Variants in GRID2 observed in about 807,000 individuals in gnomAD.
GRID2 encodes glutamate ionotropic receptor delta type subunit 2.
Under a neutral mutation model 114.8 loss-of-function variants are expected in GRID2, and 33 were observed. The observed-to-expected ratio is 0.29, with a 90% CI of 0.22 to 0.38. GRID2 has a LOEUF of 0.38. Among genes scored for constraint, GRID2 ranks in the 10% least tolerant of loss-of-function variants. The probability of loss-of-function intolerance (pLI) is 1.00; values close to 1 mark genes in which losing one functional copy is unlikely to be tolerated. For missense variants in GRID2, 1,184 were observed against 1,257.7 expected, an observed-to-expected ratio of 0.94 and a Z score of 0.89; for synonymous variants, 505 against 449.9, an observed-to-expected ratio of 1.12 and a Z score of -1.55.
intron 1 of GRID2, among the ~76,000 whole-genome samples, chr4:92,557,630 CAT>C (rs10638716): frequency 1.4e-5 from 2 of 145,640 alleles, no homozygotes; most frequent in African/African-American, 2.5e-5. Context: ...TACTTCACTG[CAT>C]ATATATATAT....
chr4:93,133,037 G>A (rs913711901), intron 4 of GRID2, among the ~76,000 whole-genome samples: 1 of 152,114 alleles, frequency 6.6e-6, no homozygotes, highest in Non-Finnish European at 1.5e-5. Context: ...GTTAAACCTG[G>A]ACTTTCCATG....
chr4:92,688,722 T>C (rs975695139), intron 2 of GRID2, among the ~76,000 whole-genome samples: 2 of 152,204 alleles, frequency 1.3e-5, no homozygotes, highest in African/African-American at 4.8e-5. Flanking sequence ...GTCATCCATG[T>C]GGATTGGAAT....
At chr4:93,558,330 A>C (rs1202972716) in intron 13 of GRID2, among the ~76,000 whole-genome samples, 1 of 152,206 alleles carries the variant, frequency 6.6e-6, no homozygotes, top group East Asian at 1.9e-4. Flanking sequence ...CAAAATAGAT[A>C]GACTACTAGC....
intron 12 of GRID2, among the ~76,000 whole-genome samples, chr4:93,494,796 C>G (rs1727371005): frequency 6.6e-6 from 1 of 151,632 alleles, no homozygotes; most frequent in South Asian, 2.1e-4. Flanking sequence ...TTTTCAAACA[C>G]CTAGAAATTG....
At chr4:92,777,317 G>T (rs1473711069) in intron 2 of GRID2, among the ~76,000 whole-genome samples, 2 of 151,820 alleles carry the variant, frequency 1.3e-5, no homozygotes, top group Non-Finnish European at 2.9e-5. Context: ...TTATGACCTT[G>T]CTGTTATAGT....
intron 1 of GRID2, among the ~76,000 whole-genome samples, chr4:93,790,897 C>T (rs537524514): frequency 4.9e-4 from 74 of 152,220 alleles, no homozygotes; most frequent in African/African-American, 1.7e-3. Context: ...AATAATAGAA[C>T]GTTTCTCATC....
intron 2 of GRID2, among the ~76,000 whole-genome samples, chr4:92,596,863 G>T (rs1363000348): frequency 6.6e-6 from 1 of 151,920 alleles, no homozygotes; most frequent in East Asian, 1.9e-4. Flanking sequence ...AGCTACAATG[G>T]GAGATAACCA....
At chr4:92,376,053 T>C (rs1433583837) in intron 1 of GRID2, among the ~76,000 whole-genome samples, 1 of 152,074 alleles carries the variant, frequency 6.6e-6, no homozygotes, top group Non-Finnish European at 1.5e-5. Flanking sequence ...TAAGGAAGTA[T>C]TATTGGATTA....
At chr4:93,386,574 A>T (rs932766443) in intron 8 of GRID2, among the ~76,000 whole-genome samples, 6 of 152,128 alleles carry the variant, frequency 3.9e-5, no homozygotes, top group Admixed American at 2.6e-4. Flanking sequence ...TAGTATAATC[A>T]AGAGTCCAGA....
intron 2 of GRID2, among the ~76,000 whole-genome samples, chr4:92,681,373 T>C (rs1051473876): frequency 1.2e-4 from 18 of 152,192 alleles, no homozygotes; most frequent in African/African-American, 4.3e-4. Context: ...AACTCATTGT[T>C]CAATTCCCAC....
chr4:92,966,640 T>A (rs1314535840), intron 2 of GRID2, among the ~76,000 whole-genome samples: 4 of 151,682 alleles, frequency 2.6e-5, no homozygotes, highest in Admixed American at 2.0e-4. Flanking sequence ...TAAATAGGAG[T>A]TCCCCTGCAC....
At chr4:92,649,051 A>T (rs866864531) in intron 2 of GRID2, among the ~76,000 whole-genome samples, 7 of 484 alleles carry the variant, frequency 0.014, no homozygotes, top group Non-Finnish European at 0.025. Context: ...TATATATATA[A>T]TATATATATA....
At chr4:92,663,448 G>A (rs950443764) in intron 2 of GRID2, among the ~76,000 whole-genome samples, 2 of 151,100 alleles carry the variant, frequency 1.3e-5, no homozygotes, top group East Asian at 1.9e-4. Context: ...GGTTTTTAGG[G>A]TCATTCTTTC....
intron 1 of GRID2, among the ~76,000 whole-genome samples, chr4:92,409,404 A>C (rs1363017012): frequency 6.6e-6 from 1 of 152,184 alleles, no homozygotes; most frequent in Non-Finnish European, 1.5e-5. Flanking sequence ...TGAACTCTAG[A>C]GAATGGTATA....
chr4:92,875,742 T>C (rs1252084490), intron 2 of GRID2, among the ~76,000 whole-genome samples: 1 of 152,198 alleles, frequency 6.6e-6, no homozygotes. Flanking sequence ...AGAAATAAAA[T>C]GAATTATTCT....
chr4:93,384,943 CT>C (rs1560565819), intron 8 of GRID2, among the ~76,000 whole-genome samples: 1 of 152,106 alleles, frequency 6.6e-6, no homozygotes, highest in Admixed American at 6.5e-5. Flanking sequence ...AAAAATGACT[CT>C]TTTTGAAGTA....
At chr4:92,982,332 CA>C in intron 2 of GRID2, among the ~76,000 whole-genome samples, 1 of 152,096 alleles carries the variant, frequency 6.6e-6, no homozygotes, top group South Asian at 2.1e-4. Flanking sequence ...ATGAATATTA[CA>C]TGTAAATTTC....
At chr4:92,695,133 A>T (rs62310192) in intron 2 of GRID2, among the ~76,000 whole-genome samples, 13,246 of 151,776 alleles carry the variant, frequency 0.087, 619 homozygotes, top group African/African-American at 0.099. Context: ...CACCTAGCTA[A>T]TTTTTATATT....
At chr4:92,689,470 C>T (rs2149291533) in intron 2 of GRID2, among the ~76,000 whole-genome samples, 1 of 152,326 alleles carries the variant, frequency 6.6e-6, no homozygotes, top group African/African-American at 2.4e-5. Context: ...GACCACACAG[C>T]AGAAGGTGAC....
Sources: gnomAD v4.1 joint callset for allele counts (sites outside exome capture counted in the v4.1 genomes callset) on GRCh38, gnomAD v4.1.1 for gene constraint, MANE v1.5 for transcripts, NCBI Gene and HGNC (gene_info 2026-07-23, HGNC 2026-07-21) for gene names.